The following CD63 variants were observed in gnomAD, a reference collection of about 807,000 sequenced individuals.
The protein encoded by CD63 is CD63 antigen.
In CD63, 16 loss-of-function variants were observed where a neutral mutation model predicts 29.2. The ratio of observed to expected loss-of-function variants is 0.55; its 90% CI spans 0.37 to 0.83. The LOEUF is 0.83. CD63 is among the 40% of genes least tolerant of loss of function. The pLI, the probability that CD63 is intolerant of heterozygous loss-of-function variation, is 0.00. For missense variants in CD63, 251 were observed against 297.3 expected, an observed-to-expected ratio of 0.84 and a Z score of 1.15; for synonymous variants, 118 against 111.7, an observed-to-expected ratio of 1.06 and a Z score of -0.36.
chr12:55,729,360 G>A (rs772256), upstream of CD63: 909 of 155,794 alleles, frequency 5.8e-3, 6 homozygotes, highest in African/African-American at 0.021. Flanking sequence ...GACGAGGTGG[G>A]TGAGAGTTAC....
chr12:55,727,324 G>T lies in CD63; in HGVS notation c.82C>A (p.Leu28Met). 1.2e-6 allele frequency: 2 copies of T among 1,613,564 alleles called. No homozygotes were observed. The highest frequency in any genetic ancestry group is 1.7e-6 in the Non-Finnish European group (2 of 1,179,856). Residue 28 changes from leucine (L) to methionine (M), a missense_variant, in exon 3 of 8, where the codon CTG becomes ATG. Leu to Met is a conservative substitution (Grantham distance 15). Transcript: ENST00000257857. The part of the protein sequence containing the change: ...LLAFCACAVG[L>M]IAVGVGAQLV... The stretch of plus-strand genomic sequence containing the variant: ...TGTGCCCCGACACCCACGGCAATCA[G>T]TCCCACTGCACAGGCCTAAGAGAAA...
chr12:55,725,957 C>T (rs1263681309), intron 6 of CD63, 61 bp from the exon 7 acceptor site: 1 of 1,511,110 alleles, frequency 6.6e-7, no homozygotes, highest in South Asian at 1.1e-5. Flanking sequence ...CCAACCCCCT[C>T]CCTTGGTCCA....
At chr12:55,723,807 C>G (rs1261849368), downstream of CD63, 2 of 1,547,796 alleles carry the variant, frequency 1.3e-6, no homozygotes, top group East Asian at 2.2e-5. Context: ...GTAACTTTCT[C>G]AGCTCCCCAA....
chr12:55,726,638 C>T (rs1436301345), intron 5 of CD63, 62 bp downstream of exon 5: 3 of 1,342,072 alleles, frequency 2.2e-6, no homozygotes, highest in East Asian at 4.6e-5. Flanking sequence ...AGTCACCACA[C>T]CCAGCCTTGG....
chr12:55,729,090 G>T, upstream of CD63: 1 of 985,382 alleles, frequency 1.0e-6, no homozygotes, highest in South Asian at 4.7e-5. Context: ...CCCGCCGAGT[G>T]GCCGCCGGCC....
Position 55,725,443 on chromosome 12 carries a change from C to T in CD63, c.*118G>A. ...GTAAGGAAAGGAAGGAATCAAGCAT[C>T]ACTCTAAGACAAACTCAGACCATCT... On this transcript the variant is annotated 3_prime_UTR_variant, in exon 8 of 8. Coordinates refer to ENST00000257857, the MANE Select transcript of CD63 (RefSeq NM_001780.6). 1 of 827,404 alleles carries T rather than the reference C, an allele frequency of 1.2e-6. No individual in the cohort carries two copies. The allele number at this position is 827,404 out of a possible 1,614,324, so 51.3% of individuals were successfully genotyped here. A position where few individuals can be genotyped will look rare whatever the true frequency, so the allele number is the denominator to read the frequency against.
Position 55,727,250 on chromosome 12 carries a change from C to A in CD63, c.156G>T (p.Leu52=). 5.6e-6 allele frequency: 9 copies of A among 1,613,936 alleles called. No homozygotes were observed. Among genetic ancestry groups the A allele is most frequent in the Non-Finnish European group, 5.9e-6 (7 of 1,180,014 alleles). ...TIIQGATPGS[L]LPVVIIAVGV... is the part of the protein sequence containing the mutation. ...CCACTGCGATGATGACCACTGGCAA[C>A]AGAGAGCCAGGGGTAGCCCCCTGGA... is the stretch of plus-strand genomic sequence containing the variant. Residue 52 remains leucine (L), a synonymous_variant, in exon 3 of 8, where the codon CTG becomes CTT. Coordinates refer to ENST00000257857, the MANE Select transcript of CD63 (RefSeq NM_001780.6).
downstream of CD63, chr12:55,723,844 A>G (rs1445911624): frequency 1.4e-5 from 22 of 1,608,354 alleles, no homozygotes; most frequent in South Asian, 4.4e-5. Context: ...TCCCCTCCCT[A>G]TAGGGCAAGA....
chr12:55,726,761 T>C lies in CD63; in HGVS notation c.365A>G (p.Gln122Arg), dbSNP rs1339810006. ...MSEFNNNFRQ[Q>R]MENYPKNNHT... ...GTTGTTTTTCGGGTAATTCTCCATCTGCTGCCGGAAGTTGTTATTAAACTC... is the reference window on the plus strand; with the variant it reads ...GTTGTTTTTCGGGTAATTCTCCATCCGCTGCCGGAAGTTGTTATTAAACTC... Residue 122 changes from glutamine to arginine, a missense_variant, in exon 5 of 8, where the codon CAG (glutamine) becomes CGG (arginine). Transcript: ENST00000257857. 1.2e-6 allele frequency: 2 copies of C among 1,614,154 alleles called. No individual in the cohort carries two copies. The highest frequency in any genetic ancestry group is 2.2e-5 in the South Asian group (2 of 91,082).
In CD63 at chr12:55,726,206, G is replaced by A. The variant is rs11574657; in HGVS notation, c.482C>T (p.Ser161Leu). Residue 161 changes from serine (S) to leucine (L), a missense_variant, in exon 6 of 8, where the codon TCG (serine) becomes TTG (leucine). Ser to Leu is a moderately radical substitution (Grantham distance 145, BLOSUM62 -2). Transcript: ENST00000257857. ...YTDWEKIPSM[S>L]KNRVPDSCCI... ...GCAGGAGTCGGGGACTCGGTTCTTC[G>A]ACATGGAAGGGATTTTCTCCCAATC... is the stretch of plus-strand genomic sequence containing the variant. 107 of 1,613,736 alleles carry A rather than the reference G, an allele frequency of 6.6e-5. No individual in the cohort carries two copies. Among genetic ancestry groups the A allele is most frequent in the Non-Finnish European group, 8.1e-5 (95 of 1,179,952 alleles).
chr12:55,729,273 G>A (rs1163056648), upstream of CD63: 2 of 334,336 alleles, frequency 6.0e-6, no homozygotes, highest in Non-Finnish European at 8.5e-6. Context: ...CCCCCCTCTG[G>A]CGCTATACCT....
At chr12:55,724,501 G>T, downstream of CD63, 1 of 1,613,302 alleles carries the variant, frequency 6.2e-7, no homozygotes. Flanking sequence ...GGTGGATGCT[G>T]TGCTCACCTG....
intron 2 of CD63, chr12:55,727,882 G>A: frequency 2.8e-6 from 3 of 1,084,648 alleles, no homozygotes; most frequent in Non-Finnish European, 3.4e-6. Flanking sequence ...GCTGGGAGGA[G>A]GGAAAGGGGG....
At chr12:55,724,449 C>G, downstream of CD63, 1 of 1,614,144 alleles carries the variant, frequency 6.2e-7, no homozygotes, top group South Asian at 1.1e-5. Context: ...GTTGGGATGC[C>G]AAGCTGCTCT....
Position 55,725,606 on chromosome 12 carries a change from G to C in CD63, c.672C>G (p.Ala224=). Residue 224 remains alanine (A), a synonymous_variant, in exon 8 of 8, where the codon GCC becomes GCG. Transcript: ENST00000257857. ...AFVEVLGIVF[A]CCLVKSIRSG... Reference sequence around the variant, plus strand: ...TTCTGATACTCTTCACGAGGCAGCAGGCAAAGACAATTCCCAAAACCTAGA... The same window carrying C: ...TTCTGATACTCTTCACGAGGCAGCACGCAAAGACAATTCCCAAAACCTAGA... The C allele has an allele frequency of 6.2e-7, 1 of 1,614,110 alleles. No individual in the cohort carries two copies.
chr12:55,726,702 C>T lies in CD63; in HGVS notation c.424G>A (p.Asp142Asn), dbSNP rs139310010. The T allele has an allele frequency of 6.2e-7, 1 of 1,612,968 alleles. No individual in the cohort carries two copies. The highest frequency in any genetic ancestry group is 8.5e-7 in the Non-Finnish European group (1 of 1,179,030). ...CTGCTCCCAGCAACCCCACTCACAT[C>T]TGCCTGCATCCTGTCCAGGATCGAA... is the stretch of plus-strand genomic sequence containing the variant. ...TASILDRMQADFKCCGAANYT... is the reference protein window; with the variant it reads ...TASILDRMQANFKCCGAANYT... Residue 142 changes from aspartate to asparagine, a missense_variant and splice_region_variant, in exon 5 of 8, where the codon GAT becomes AAT. Asp to Asn is a conservative substitution (Grantham distance 23). Coordinates refer to ENST00000257857, the MANE Select transcript of CD63 (RefSeq NM_001780.6).
chr12:55,726,676 C>T, intron 5 of CD63, 24 bp downstream of exon 5: 1 of 1,580,646 alleles, frequency 6.3e-7, no homozygotes, highest in South Asian at 1.1e-5. Context: ...TCCCACCACC[C>T]CTGCTCCCAG....
chr12:55,728,598 G>A lies in CD63; in HGVS notation c.-11-246C>T. On this transcript the variant is annotated intron_variant, in intron 1 of 7. Transcript: ENST00000257857. This position sits in a 1 kb window ranked among gnomAD's most constrained non-coding sequence, Gnocchi z 4.8. ...TGGGGCCCAGGACAGATCCAAGGGC[G>A]CCGGCAGGGGCTTGAGCCTGACGCC... 1 of 1,360,556 alleles carries A rather than the reference G, an allele frequency of 7.3e-7. No individual in the cohort carries two copies. Among genetic ancestry groups the A allele is most frequent in the East Asian group, 3.0e-5 (1 of 33,764 alleles). 84.3% of individuals were successfully genotyped at this position (1,360,556 alleles called of 1,614,324 possible).
Position 55,725,902 on chromosome 12 carries a change from GGT to G in CD63, c.568-8_568-7del. The G allele has an allele frequency of 6.2e-7, 1 of 1,613,568 alleles. No homozygotes were observed. Among genetic ancestry groups the G allele is most frequent in the Non-Finnish European group, 8.5e-7 (1 of 1,179,708 alleles). On this transcript the variant is annotated splice_polypyrimidine_tract_variant and splice_region_variant and intron_variant, in intron 6 of 7. Transcript: ENST00000257857. Reference sequence around the variant, plus strand: ...CCAATCTTCTCCACACAGCCCTGAAGGTGGCAGGCACAAAGGACAAAAGCACC... The same window carrying G: ...CCAATCTTCTCCACACAGCCCTGAAGGGCAGGCACAAAGGACAAAAGCACC...
Sources: allele counts gnomAD v4.1 joint callset, GRCh38; gene constraint gnomAD v4.1.1; non-coding constraint Gnocchi (gnomAD v3.1); transcripts MANE v1.5; gene names NCBI Gene and HGNC (gene_info 2026-07-23, HGNC 2026-07-21).